HPS3: variants seen among roughly 807,000 people sequenced by gnomAD.
HPS3 encodes BLOC-2 complex member HPS3.
In HPS3, 79 loss-of-function variants were observed where a neutral mutation model predicts 110.9. The ratio of observed to expected loss-of-function variants is 0.71; its 90% CI spans 0.59 to 0.86. The LOEUF is 0.86. Among genes scored for constraint, HPS3 ranks in the 40% least tolerant of loss-of-function variants. The pLI is 0.00. For missense variants in HPS3, 1,197 were observed against 1,206.2 expected (o/e 0.99, Z 0.11); for synonymous variants, 428 against 451.0 (o/e 0.95, Z 0.65).
chr3:149,156,315 T>C (rs1234295582), intron 8 of HPS3, among the ~76,000 whole-genome samples: 1 of 152,194 alleles, frequency 6.6e-6, no homozygotes, highest in Non-Finnish European at 1.5e-5. Context: ...AAATTTAACA[T>C]TGACACAGTG....
At chr3:149,151,197 A>ATTTT (rs202041297) in intron 6 of HPS3, among the ~76,000 whole-genome samples, 1 of 138,170 alleles carries the variant, frequency 7.2e-6, no homozygotes, top group Non-Finnish European at 1.6e-5. Context: ...TATTATTATT[A>ATTTT]TTATTATTTT....
intron 1 of HPS3, chr3:149,130,298 G>A: frequency 2.9e-6 from 1 of 350,242 alleles, no homozygotes; most frequent in Non-Finnish European, 5.3e-6. Flanking sequence ...AAAAAAACAA[G>A]TAGGAATAAG....
chr3:149,155,156 G>C lies in HPS3; in HGVS notation c.1450G>C (p.Ala484Pro), dbSNP rs1165091492. The C allele has an allele frequency of 4.3e-6, 7 of 1,610,958 alleles. No homozygotes were observed. Among genetic ancestry groups the C allele is most frequent in the Non-Finnish European group, 5.9e-6 (7 of 1,177,306 alleles). ...VKIKIPPVAEAGWNLYIVNTI... is the reference protein window; with the variant it reads ...VKIKIPPVAEPGWNLYIVNTI... ...AATCAAAATACCTCCTGTAGCTGAG[G>C]CTGGGTGGAATTTGTATATTGTGAA... The change falls in exon 8 of 17, where the codon GCT becomes CCT. Residue 484 changes from alanine (A) to proline (P), a missense_variant. By Grantham distance (27) the Ala-to-Pro change is conservative. Transcript: ENST00000296051.
chr3:149,130,060 G>C (rs532390121), intron 1 of HPS3, 120 bp downstream of exon 1: 1 of 987,428 alleles, frequency 1.0e-6, no homozygotes, highest in South Asian at 1.5e-5. Context: ...CCCGGAATTT[G>C]CCGGATGGTC....
intron 1 of HPS3, among the ~76,000 whole-genome samples, chr3:149,135,301 T>A (rs1469388456): frequency 6.6e-6 from 1 of 152,144 alleles, no homozygotes; most frequent in African/African-American, 2.4e-5. Context: ...TGTGATACGG[T>A]TTGGCTGTGT....
intron 11 of HPS3, among the ~76,000 whole-genome samples, chr3:149,161,571 G>A (rs887810567): frequency 3.5e-5 from 5 of 144,048 alleles, no homozygotes; most frequent in African/African-American, 5.2e-5. Flanking sequence ...GTGCAGTGGC[G>A]CAATCTCAGC....
intron 15 of HPS3, among the ~76,000 whole-genome samples, chr3:149,167,470 A>G (rs763188967): frequency 1.3e-5 from 2 of 152,164 alleles, no homozygotes; most frequent in Non-Finnish European, 2.9e-5. Flanking sequence ...TTGTTTGGAG[A>G]TGAAGTAGTT....
In HPS3 at chr3:149,168,062, A is replaced by C. The variant is rs559215939; in HGVS notation, c.2887+79A>C. On this transcript the variant is annotated intron_variant, in intron 16 of 16. Transcript: ENST00000296051. ...TGGTGAAGCCTTCTTAAGTATTTTC[A>C]TGTGATTCTCAAGTGAAACCGAGGG... 4 of 902,172 alleles carry C rather than the reference A, an allele frequency of 4.4e-6. No homozygotes were observed. The South Asian group carries it at 5.5e-5, about 12-fold the overall frequency. 55.9% of individuals were successfully genotyped at this position (902,172 alleles called of 1,614,324 possible). A position where few individuals can be genotyped will look rare whatever the true frequency, so the allele number is the denominator to read the frequency against.
At position 149,140,327 on chromosome 3, in the gene HPS3, A is replaced by G. The variant is rs1039060115; in HGVS notation, c.541A>G (p.Ile181Val). ...ATTGGACTTTGAACGTTCTTTAATT[A>G]TACACATAGATAATATCACTCCTGT... ...SLLDFERSLI[I>V]HIDNITPVEV... Residue 181 changes from isoleucine to valine, a missense_variant, in exon 2 of 17, where the codon ATA becomes GTA. Coordinates refer to ENST00000296051, the MANE Select transcript of HPS3 (RefSeq NM_032383.5). The G allele has an allele frequency of 1.2e-6, 2 of 1,613,626 alleles. No homozygotes were observed. Among genetic ancestry groups the G allele is most frequent in the Non-Finnish European group, 1.7e-6 (2 of 1,179,552 alleles).
chr3:149,166,697 G>A (rs190937774), intron 14 of HPS3, among the ~76,000 whole-genome samples: 1 of 152,134 alleles, frequency 6.6e-6, no homozygotes, highest in African/African-American at 2.4e-5. Flanking sequence ...GAACATCATT[G>A]GACGTAAATC....
intron 9 of HPS3, 57 bp downstream of exon 9, chr3:149,157,588 T>A (rs1723536726): frequency 1.3e-6 from 2 of 1,497,584 alleles, no homozygotes; most frequent in East Asian, 4.5e-5. Flanking sequence ...TTGGGTACAC[T>A]TGTTAGCTTT....
At chr3:149,157,222 T>C in intron 8 of HPS3, 128 bp from the exon 9 acceptor site, 2 of 843,362 alleles carry the variant, frequency 2.4e-6, no homozygotes, top group Non-Finnish European at 3.8e-6. Flanking sequence ...ATAACCATTT[T>C]GTTTACTTTT....
chr3:149,146,339 CT>C (rs997367331), intron 5 of HPS3, among the ~76,000 whole-genome samples: 5 of 152,086 alleles, frequency 3.3e-5, no homozygotes, highest in African/African-American at 1.2e-4. Flanking sequence ...GTCTTAAGAC[CT>C]CATGAAAGTG....
chr3:149,148,215 CT>C lies in HPS3; in HGVS notation c.1164-2382del, dbSNP rs1227615398. Among the ~76,000 whole-genome samples, 4 of 151,918 alleles carry C rather than the reference CT, an allele frequency of 2.6e-5. No individual in the cohort carries two copies. In the East Asian group the frequency reaches 7.7e-4, roughly 29 times the overall value. ...CCGATAGATAAATGTTTCAAAATCT[CT>C]TGTCCCATAAGGTGGTCTTGAAAAG... On this transcript the variant is annotated intron_variant, in intron 5 of 16. Coordinates refer to ENST00000296051, the MANE Select transcript of HPS3 (RefSeq NM_032383.5).
intron 5 of HPS3, 93 bp from the exon 6 acceptor site, chr3:149,150,506 C>T (rs951476127): frequency 5.0e-5 from 26 of 522,180 alleles, no homozygotes; most frequent in African/African-American, 4.7e-4. Flanking sequence ...GTCACCCCTG[C>T]CCATTGCCCT....
intron 16 of HPS3, 190 bp downstream of exon 16, chr3:149,168,173 G>T: frequency 1.7e-6 from 1 of 575,712 alleles, no homozygotes; most frequent in Non-Finnish European, 3.2e-6. Context: ...CCTAGTCACA[G>T]AACTGATGTT....
intron 1 of HPS3, among the ~76,000 whole-genome samples, chr3:149,132,073 G>A (rs1459598755): frequency 6.6e-6 from 1 of 152,216 alleles, no homozygotes; most frequent in Non-Finnish European, 1.5e-5. Context: ...AAGGGAAGAA[G>A]CTGTCTCCAT....
At chr3:149,153,186 G>C (rs930782413) in intron 6 of HPS3, among the ~76,000 whole-genome samples, 3 of 152,182 alleles carry the variant, frequency 2.0e-5, no homozygotes, top group African/African-American at 7.2e-5. Context: ...GAGCCACTCT[G>C]TGGGGCACAC....
rs1722720096 is a variant in HPS3 at position 149,145,237 on chromosome 3, C to T, written c.971-117C>T. On this transcript the variant is annotated intron_variant, in intron 4 of 16. Coordinates refer to ENST00000296051, the MANE Select transcript of HPS3 (RefSeq NM_032383.5). ...ATTCTTCTATAAAGAGCAACTTCCC[C>T]TTTGCAACTCTTTGGTTACCCACTG... 4 of 762,212 alleles carry T rather than the reference C, an allele frequency of 5.2e-6. No homozygotes were observed. In the Admixed American group the frequency reaches 8.2e-5, roughly 16 times the overall value. The allele number at this position is 762,212 out of a possible 1,614,324, so 47.2% of individuals were successfully genotyped here.
Sources: allele counts gnomAD v4.1 joint callset (sites outside exome capture counted in the v4.1 genomes callset), GRCh38; gene constraint gnomAD v4.1.1; transcripts MANE v1.5; gene names NCBI Gene and HGNC (gene_info 2026-07-23, HGNC 2026-07-21).